Variants in KSR2 observed in about 807,000 individuals in gnomAD.
KSR2 encodes kinase suppressor of ras 2.
A neutral mutation model predicts 107.8 loss-of-function variants in KSR2; 25 were observed. The ratio of observed to expected loss-of-function variants is 0.23; its 90% confidence interval spans 0.17 to 0.32. KSR2 has a LOEUF of 0.32. Ranked by LOEUF, KSR2 falls within the 10% of genes least tolerant of loss-of-function variation. The pLI is 1.00. For missense variants in KSR2, 887 were observed against 1,268.9 expected, an observed-to-expected ratio of 0.70 and a Z score of 4.57; for synonymous variants, 480 against 507.0, an observed-to-expected ratio of 0.95 and a Z score of 0.71.
chr12:117,951,727 G>C (rs1287817369), intron 1 of KSR2, among the ~76,000 whole-genome samples: 8 of 152,170 alleles, frequency 5.3e-5, no homozygotes, highest in African/African-American at 9.7e-5. Flanking sequence ...TCCAGATCTT[G>C]AGACTATTTC....
At chr12:117,850,979 A>G (rs1263175897) in intron 3 of KSR2, among the ~76,000 whole-genome samples, 1 of 152,228 alleles carries the variant, frequency 6.6e-6, no homozygotes, top group African/African-American at 2.4e-5. Context: ...CAAAACAGGT[A>G]AGCATTAAAA....
intron 4 of KSR2, among the ~76,000 whole-genome samples, chr12:117,690,897 C>T (rs912032460): frequency 2.3e-4 from 35 of 152,304 alleles, no homozygotes; most frequent in African/African-American, 8.4e-4. Flanking sequence ...TCTCACCATG[C>T]ACAAAAGCTG....
intron 14 of KSR2, among the ~76,000 whole-genome samples, chr12:117,505,090 T>C (rs1432705922): frequency 6.6e-6 from 1 of 152,220 alleles, no homozygotes; most frequent in Non-Finnish European, 1.5e-5. Flanking sequence ...ATTTAGTTCA[T>C]TTTTATGGAC....
chr12:117,613,731 C>A (rs1172850542), intron 5 of KSR2, among the ~76,000 whole-genome samples: 2 of 152,212 alleles, frequency 1.3e-5, no homozygotes, highest in African/African-American at 2.4e-5. Flanking sequence ...CTCTGCACAG[C>A]CTATCCTAAG....
intron 5 of KSR2, among the ~76,000 whole-genome samples, chr12:117,665,808 C>T (rs1884634713): frequency 6.6e-6 from 1 of 152,230 alleles, no homozygotes; most frequent in South Asian, 2.1e-4. Flanking sequence ...AGGCTTTGAA[C>T]TCACTTGAGG....
rs144286550 is a variant in KSR2, at chr12:117,485,790, G to A, written c.2220-99C>T. The A allele has an allele frequency of 1.0e-4, 79 of 781,800 alleles. No homozygotes were observed. The African/African-American group carries it at 1.2e-3, about 12-fold the overall frequency. The allele number at this position is 781,800 out of a possible 1,614,324, so 48.4% of individuals were successfully genotyped here. On this transcript the variant is annotated intron_variant, in intron 14 of 19. Transcript: ENST00000339824. Reference sequence around the variant, plus strand: ...TGACAAATGATGGCATAGACACGTGGACATGCCACTATTGTGCTTATGAGA... The same window carrying A: ...TGACAAATGATGGCATAGACACGTGAACATGCCACTATTGTGCTTATGAGA...
At chr12:117,555,386 C>T in intron 8 of KSR2, 93 bp from the exon 9 acceptor site, 1 of 1,313,870 alleles carries the variant, frequency 7.6e-7, no homozygotes, top group South Asian at 1.3e-5. Context: ...CCTCTTAGAC[C>T]CACCCTCCAG....
chr12:117,547,954 A>G (rs1876996966), intron 9 of KSR2, among the ~76,000 whole-genome samples: 1 of 152,062 alleles, frequency 6.6e-6, no homozygotes, highest in South Asian at 2.1e-4. Flanking sequence ...AAAATTAGCC[A>G]GGCGTGGTGG....
chr12:117,517,408 T>C lies in KSR2; in HGVS notation c.2219+7444A>G, dbSNP rs1231159090. Among the ~76,000 whole-genome samples, 4 of 152,216 alleles carry C rather than the reference T, an allele frequency of 2.6e-5. No homozygotes were observed. In the South Asian group the frequency reaches 8.3e-4, roughly 32 times the overall value. Reference sequence around the variant, plus strand: ...TCTTTCTGCTGATCTGCATTTGCAATTGCAAACAAGTCATTCACTTGTGTA... The same window carrying C: ...TCTTTCTGCTGATCTGCATTTGCAACTGCAAACAAGTCATTCACTTGTGTA... On this transcript the variant is annotated intron_variant, in intron 14 of 19. Coordinates refer to ENST00000339824, the MANE Select transcript of KSR2 (RefSeq NM_173598.6).
chr12:117,521,243 C>T (rs1180821770), intron 14 of KSR2, among the ~76,000 whole-genome samples: 1 of 152,218 alleles, frequency 6.6e-6, no homozygotes. Flanking sequence ...TTGAGAAGCA[C>T]TGTTCCCAGC....
intron 6 of KSR2, among the ~76,000 whole-genome samples, chr12:117,580,354 G>A (rs1879566430): frequency 6.6e-6 from 1 of 152,226 alleles, no homozygotes; most frequent in African/African-American, 2.4e-5. Context: ...GAGTTTAGCA[G>A]ACTCTGTTTT....
chr12:117,928,321 T>C (rs1240478722), intron 1 of KSR2, among the ~76,000 whole-genome samples: 1 of 152,048 alleles, frequency 6.6e-6, no homozygotes, highest in Non-Finnish European at 1.5e-5. Flanking sequence ...TAGCTGGAAC[T>C]ACAGGCATGC....
At chr12:117,759,937 A>G (rs982549214) in intron 4 of KSR2, among the ~76,000 whole-genome samples, 2 of 152,146 alleles carry the variant, frequency 1.3e-5, no homozygotes, top group African/African-American at 4.8e-5. Flanking sequence ...GTGAAACCCT[A>G]TCTCTACAAA....
chr12:117,694,358 GCT>G (rs774626927), intron 4 of KSR2, among the ~76,000 whole-genome samples: 62 of 152,260 alleles, frequency 4.1e-4, no homozygotes, highest in East Asian at 9.6e-4. Flanking sequence ...CCCTGCACAA[GCT>G]CTCTCTTGCC....
intron 14 of KSR2, among the ~76,000 whole-genome samples, chr12:117,520,121 T>C (rs958544589): frequency 1.3e-5 from 2 of 152,168 alleles, no homozygotes; most frequent in Admixed American, 1.3e-4. Context: ...AAGGCGGCCA[T>C]TGGCAAAGAA....
chr12:117,481,827 C>T (rs1328316153), intron 16 of KSR2, among the ~76,000 whole-genome samples: 1 of 152,126 alleles, frequency 6.6e-6, no homozygotes, highest in Non-Finnish European at 1.5e-5. Flanking sequence ...CATAGATGCC[C>T]CTTATTCAAG....
intron 3 of KSR2, among the ~76,000 whole-genome samples, chr12:117,803,274 C>T (rs1566023498): frequency 6.6e-6 from 1 of 152,074 alleles, no homozygotes; most frequent in South Asian, 2.1e-4. Context: ...TGGGAGCGGA[C>T]GGCAGAGAGG....
chr12:117,670,917 C>T (rs1490429352), intron 4 of KSR2, among the ~76,000 whole-genome samples: 2 of 152,152 alleles, frequency 1.3e-5, no homozygotes, highest in Admixed American at 6.5e-5. Context: ...AATGCTACCA[C>T]GTGTATAATG....
intron 7 of KSR2, among the ~76,000 whole-genome samples, chr12:117,564,764 A>G (rs903732519): frequency 6.6e-6 from 1 of 152,196 alleles, no homozygotes; most frequent in Non-Finnish European, 1.5e-5. Context: ...GTGGGTAAGT[A>G]TCAGAGAGAT....
Sources: gnomAD v4.1 joint callset for allele counts (sites outside exome capture counted in the v4.1 genomes callset) on GRCh38, gnomAD v4.1.1 for gene constraint, MANE v1.5 for transcripts, NCBI Gene and HGNC (gene_info 2026-07-23, HGNC 2026-07-21) for gene names.